The following NADK2 variants were observed in gnomAD, a reference collection of about 807,000 sequenced individuals.
The protein encoded by NADK2 is NAD kinase 2, mitochondrial, also known as NAD kinase domain-containing protein 1, mitochondrial.
In NADK2, 35 loss-of-function variants were observed where a neutral mutation model predicts 62.1. The observed-to-expected ratio is 0.56, with a 90% CI of 0.43 to 0.75. NADK2 has a LOEUF of 0.75. NADK2 is among the 30% of genes least tolerant of loss of function. The pLI, the probability that NADK2 is intolerant of heterozygous loss-of-function variation, is 0.00. For synonymous variants in NADK2, 205 were observed against 207.9 expected (o/e 0.99, Z 0.12); for missense variants, 439 against 561.3 (o/e 0.78, Z 2.20).
chr5:36,214,853 T>C (rs797013149), intron 6 of NADK2, among the ~76,000 whole-genome samples: 15 of 152,310 alleles, frequency 9.8e-5, no homozygotes, highest in African/African-American at 3.6e-4. Flanking sequence ...TGAGATGAGT[T>C]AAAAATAAGC....
chr5:36,211,189 G>A (rs1278837084), intron 7 of NADK2, among the ~76,000 whole-genome samples: 1 of 152,136 alleles, frequency 6.6e-6, no homozygotes, highest in Non-Finnish European at 1.5e-5. Flanking sequence ...GATTGGGGAA[G>A]TGATAAATGT....
chr5:36,227,294 G>C (rs1282167468), intron 2 of NADK2, among the ~76,000 whole-genome samples, 183 bp downstream of exon 2: 1 of 152,086 alleles, frequency 6.6e-6, no homozygotes, highest in African/African-American at 2.4e-5. Flanking sequence ...CATTTTCAGA[G>C]AACAATAAAT....
intron 10 of NADK2, 107 bp downstream of exon 10, chr5:36,200,120 G>T: frequency 1.5e-6 from 1 of 648,412 alleles, no homozygotes; most frequent in Non-Finnish European, 2.5e-6. Context: ...TTAAAAGCAT[G>T]TTTGAGTAAA....
Position 36,192,740 on chromosome 5 carries a change from A to G in NADK2, c.*2404T>C, listed in dbSNP as rs1329630950. On this transcript the variant is annotated 3_prime_UTR_variant, in exon 12 of 12. Coordinates refer to ENST00000381937, the MANE Select transcript of NADK2 (RefSeq NM_001085411.3). ...TTAATAACTAATCATTCTATGTCAA[A>G]TGTTAACAGTGAATGAAGTCAACAG... The G allele has an allele frequency of 6.6e-6, 1 of 152,238 alleles. No individual in the cohort carries two copies. Among genetic ancestry groups the G allele is most frequent in the Non-Finnish European group, 1.5e-5 (1 of 68,040 alleles). 9.4% of individuals were successfully genotyped at this position (152,238 alleles called of 1,614,324 possible).
rs1746433270 is a variant in NADK2 at position 36,201,177 on chromosome 5, A to G, written c.957-16T>C. ...ATTGAATGACCTAGAAACAAAAATC[A>G]CATAATTCTTAGTTTTAATTCTAAA... On this transcript the variant is annotated splice_polypyrimidine_tract_variant and intron_variant, in intron 8 of 11. Transcript: ENST00000381937. The G allele has an allele frequency of 1.2e-6, 2 of 1,603,930 alleles. No individual in the cohort carries two copies. Among genetic ancestry groups the G allele is most frequent in the Non-Finnish European group, 1.7e-6 (2 of 1,172,192 alleles).
intron 8 of NADK2, among the ~76,000 whole-genome samples, chr5:36,206,568 T>C (rs1286602877): frequency 6.6e-6 from 1 of 152,072 alleles, no homozygotes; most frequent in African/African-American, 2.4e-5. Context: ...TAAATGCTGA[T>C]GGTATTCATC....
At chr5:36,215,875 AT>A (rs1747023069) in intron 6 of NADK2, among the ~76,000 whole-genome samples, 1 of 152,106 alleles carries the variant, frequency 6.6e-6, no homozygotes, top group East Asian at 1.9e-4. Context: ...ATACTTGGCT[AT>A]TGTGAATAGG....
At chr5:36,218,120 A>C (rs1747118676) in intron 5 of NADK2, 1 of 372,396 alleles carries the variant, frequency 2.7e-6, no homozygotes, top group Non-Finnish European at 4.9e-6. Flanking sequence ...AAATCTCCCA[A>C]GTAACTTAAA....
At chr5:36,204,941 A>AT (rs1341354461) in intron 8 of NADK2, among the ~76,000 whole-genome samples, 1 of 152,062 alleles carries the variant, frequency 6.6e-6, no homozygotes, top group Non-Finnish European at 1.5e-5. Flanking sequence ...AAAATTTTGC[A>AT]TAATAAAATA....
rs1579650059 is a variant in NADK2 at position 36,241,910 on chromosome 5, G to T, written c.-112C>A. The stretch of plus-strand genomic sequence containing the variant: ...CGGGCCTCTAACTTCGCGCCGGACG[G>T]GCAGAGGTTAAGTGCCAGGACGTGC... On this transcript the variant is annotated 5_prime_UTR_variant, in exon 1 of 12. Transcript: ENST00000381937. The surrounding 1 kb of genome is among the most constrained non-coding windows in gnomAD (Gnocchi z 4.9). The T allele has an allele frequency of 3.2e-6, 3 of 924,016 alleles. No homozygotes were observed. Among genetic ancestry groups the T allele is most frequent in the African/African-American group, 3.6e-5 (2 of 56,316 alleles). 57.2% of individuals were successfully genotyped at this position (924,016 alleles called of 1,614,324 possible).
Position 36,241,611 on chromosome 5 carries a change from T to G in NADK2, c.188A>C (p.Asp63Ala), listed in dbSNP as rs1419261946. The G allele has an allele frequency of 6.7e-7, 1 of 1,492,008 alleles. No individual in the cohort carries two copies. The highest frequency in any genetic ancestry group is 2.9e-5 in the East Asian group (1 of 34,324). The allele number at this position is 1,492,008 out of a possible 1,614,324, so 92.4% of individuals were successfully genotyped here. A position where few individuals can be genotyped will look rare whatever the true frequency, so the allele number is the denominator to read the frequency against. Residue 63 changes from aspartate to alanine, a missense_variant, in exon 1 of 12, where the codon GAC becomes GCC. Asp to Ala is a moderately radical substitution (Grantham distance 126). Coordinates refer to ENST00000381937, the MANE Select transcript of NADK2 (RefSeq NM_001085411.3). The surrounding 1 kb of genome is among the most constrained non-coding windows in gnomAD (Gnocchi z 4.9). The stretch of plus-strand genomic sequence containing the variant: ...CACCCGGGAGGGGCGGAAGCCGCCG[T>G]CCGCGCGGCTGCCACAGCCCGCCAG... The part of the protein sequence containing the change: ...RELAGCGSRA[D>A]GGFRPSRVVV...
At chr5:36,225,684 G>A in intron 3 of NADK2, 61 bp from the exon 4 acceptor site, 1 of 1,526,348 alleles carries the variant, frequency 6.6e-7, no homozygotes, top group Non-Finnish European at 9.0e-7. Context: ...TCTAGTTTTT[G>A]GCCATTTTGA....
chr5:36,234,992 G>C (rs1747848751), intron 1 of NADK2, among the ~76,000 whole-genome samples: 1 of 151,982 alleles, frequency 6.6e-6, no homozygotes, highest in Non-Finnish European at 1.5e-5. Flanking sequence ...ACTAATCTTT[G>C]ATTCTCCAGG....
intron 9 of NADK2, among the ~76,000 whole-genome samples, chr5:36,200,808 G>T (rs903023063): frequency 6.6e-6 from 1 of 151,846 alleles, no homozygotes; most frequent in East Asian, 1.9e-4. Flanking sequence ...ACTTAATAAC[G>T]GCCCCAAGGC....
chr5:36,219,231 G>A (rs1253909420), intron 5 of NADK2, among the ~76,000 whole-genome samples: 1 of 152,084 alleles, frequency 6.6e-6, no homozygotes, highest in African/African-American at 2.4e-5. Flanking sequence ...TTTGTTTTGA[G>A]ACACAGTCTC....
At chr5:36,223,705 A>G (rs1364016) in intron 4 of NADK2, among the ~76,000 whole-genome samples, 1 of 152,220 alleles carries the variant, frequency 6.6e-6, no homozygotes, top group Non-Finnish European at 1.5e-5. Context: ...AAGCAACGTC[A>G]ATGAACTGGT....
chr5:36,214,251 G>A (rs768744080), intron 6 of NADK2, among the ~76,000 whole-genome samples: 49 of 151,874 alleles, frequency 3.2e-4, no homozygotes, highest in Non-Finnish European at 6.2e-4. Context: ...GCACAATCTC[G>A]GCTCACTGCA....
chr5:36,230,364 A>C (rs6451266), intron 1 of NADK2, among the ~76,000 whole-genome samples: 1 of 152,258 alleles, frequency 6.6e-6, no homozygotes, highest in Non-Finnish European at 1.5e-5. Context: ...AGCTGCTGCT[A>C]GTGCTGCCCT....
intron 8 of NADK2, 138 bp downstream of exon 8, chr5:36,207,032 G>C: frequency 1.5e-6 from 1 of 670,180 alleles, no homozygotes. Flanking sequence ...CCCAAATGAT[G>C]AATGAAACAG....
Sources: allele counts gnomAD v4.1 joint callset (sites outside exome capture counted in the v4.1 genomes callset), GRCh38; gene constraint gnomAD v4.1.1; non-coding constraint Gnocchi (gnomAD v3.1); transcripts MANE v1.5; gene names NCBI Gene and HGNC (gene_info 2026-07-23, HGNC 2026-07-21).